Variants in SORCS2 observed in about 807,000 individuals in gnomAD.
SORCS2 encodes the protein sortilin related VPS10 domain containing receptor 2.
Under a neutral mutation model 141.6 loss-of-function variants are expected in SORCS2, and 100 were observed. The observed-to-expected ratio is 0.71, with a 90% confidence interval of 0.60 to 0.83. SORCS2 has a LOEUF of 0.83. SORCS2 is among the 40% of genes least tolerant of loss of function. The probability of loss-of-function intolerance (pLI) is 0.00; values close to 1 mark genes in which losing one functional copy is unlikely to be tolerated. For synonymous variants in SORCS2, 789 were observed against 676.9 expected (o/e 1.17, Z -2.57); for missense variants, 1,646 against 1,560.2 (o/e 1.05, Z -0.93).
At chr4:7,507,557 G>A (rs1246664044) in intron 2 of SORCS2, among the ~76,000 whole-genome samples, 2 of 152,162 alleles carry the variant, frequency 1.3e-5, no homozygotes, top group Non-Finnish European at 2.9e-5. Context: ...CAAAGAAAGA[G>A]AACTTGTCTT....
At chr4:7,247,949 A>G (rs1713223071) in intron 1 of SORCS2, among the ~76,000 whole-genome samples, 1 of 152,040 alleles carries the variant, frequency 6.6e-6, no homozygotes, top group South Asian at 2.1e-4. Flanking sequence ...ATCCCCCCAA[A>G]CTCCTTACTC....
At chr4:7,537,059 T>C (rs1303600828) in intron 3 of SORCS2, among the ~76,000 whole-genome samples, 1 of 152,166 alleles carries the variant, frequency 6.6e-6, no homozygotes, top group Non-Finnish European at 1.5e-5. Flanking sequence ...TGCAGCTAAG[T>C]TCTAGCAAGC....
chr4:7,724,419 GA>G (rs1726901653), intron 19 of SORCS2, among the ~76,000 whole-genome samples: 7 of 143,672 alleles, frequency 4.9e-5, no homozygotes, highest in African/African-American at 1.9e-4. Context: ...GGTGGGAATG[GA>G]TGGTGGTGGT....
At chr4:7,226,838 G>A (rs372714285) in intron 1 of SORCS2, among the ~76,000 whole-genome samples, 5 of 152,210 alleles carry the variant, frequency 3.3e-5, no homozygotes, top group South Asian at 2.1e-4. Flanking sequence ...GCACCAGGGC[G>A]TGGCCTGTTT....
At chr4:7,392,783 C>T (rs1465801316) in intron 1 of SORCS2, among the ~76,000 whole-genome samples, 1 of 152,032 alleles carries the variant, frequency 6.6e-6, no homozygotes, top group African/African-American at 2.4e-5. Flanking sequence ...AAGCCCTGGG[C>T]CTGGGCACAA....
Position 7,654,139 on chromosome 4 carries a change from C to T in SORCS2, c.819C>T (p.Tyr273=), listed in dbSNP as rs948591527. Residue 273 remains tyrosine, a synonymous_variant, in exon 5 of 27, where the codon TAC becomes TAT. Coordinates refer to ENST00000507866, the MANE Select transcript of SORCS2 (RefSeq NM_020777.3). ...TTCTTTTTTCTGCCCTAAAGCTCTA[C>T]GTGTCATCTGACTTGGGGAAAAAGT... The part of the protein sequence containing the change: ...VLAYTKESKL[Y]VSSDLGKKWT... 1.4e-5 allele frequency: 22 copies of T among 1,577,062 alleles called. No individual in the cohort carries two copies. Among genetic ancestry groups the T allele is most frequent in the African/African-American group, 4.0e-5 (3 of 74,658 alleles).
At chr4:7,383,226 C>T (rs1481406989) in intron 1 of SORCS2, among the ~76,000 whole-genome samples, 1 of 152,138 alleles carries the variant, frequency 6.6e-6, no homozygotes, top group Non-Finnish European at 1.5e-5. Context: ...GGCATCAGAA[C>T]CTCCAACCTC....
chr4:7,223,295 G>GCGCACA (rs1491340719), intron 1 of SORCS2, among the ~76,000 whole-genome samples: 8 of 129,746 alleles, frequency 6.2e-5, no homozygotes, highest in African/African-American at 2.2e-4. Flanking sequence ...GTGTATATGC[G>GCGCACA]CACACACACA....
chr4:7,736,465 C>G (rs1255375316), intron 25 of SORCS2, among the ~76,000 whole-genome samples: 2 of 152,196 alleles, frequency 1.3e-5, no homozygotes, highest in African/African-American at 4.8e-5. Flanking sequence ...GTCCCCTCAT[C>G]TGTGAAATGG....
intron 3 of SORCS2, among the ~76,000 whole-genome samples, chr4:7,552,636 AG>A (rs1713799266): frequency 6.6e-6 from 1 of 152,234 alleles, no homozygotes; most frequent in Non-Finnish European, 1.5e-5. Flanking sequence ...CACAGGGATC[AG>A]GAACAGTGCT....
intron 11 of SORCS2, among the ~76,000 whole-genome samples, chr4:7,693,138 G>C (rs1471293354): frequency 6.6e-6 from 1 of 152,206 alleles, no homozygotes; most frequent in African/African-American, 2.4e-5. Flanking sequence ...GAGTGCTCCT[G>C]TGTTGGAGTG....
In SORCS2 at chr4:7,208,676, C is replaced by G. The variant is rs188167813; in HGVS notation, c.480+15550C>G. ...GGCTTGGCTCTGGTTGTGTCTCCCTCAGCCCTCCCTTGCATAGGGTCCCCC... is the reference window on the plus strand; with the variant it reads ...GGCTTGGCTCTGGTTGTGTCTCCCTGAGCCCTCCCTTGCATAGGGTCCCCC... On this transcript the variant is annotated intron_variant, in intron 1 of 26. Coordinates refer to ENST00000507866, the MANE Select transcript of SORCS2 (RefSeq NM_020777.3). Among the ~76,000 whole-genome samples the G allele has an allele frequency of 1.4e-4, 21 of 152,336 alleles. No individual in the cohort carries two copies. In the East Asian group the frequency reaches 4.1e-3, roughly 29 times the overall value.
intron 8 of SORCS2, among the ~76,000 whole-genome samples, chr4:7,675,652 G>A (rs1339944455): frequency 6.6e-6 from 1 of 152,178 alleles, no homozygotes; most frequent in Non-Finnish European, 1.5e-5. Context: ...GTGGATAGGA[G>A]GAGAGGGAGG....
intron 3 of SORCS2, among the ~76,000 whole-genome samples, chr4:7,631,977 T>C (rs73794352): frequency 0.039 from 5,910 of 152,266 alleles, 393 homozygotes; most frequent in African/African-American, 0.13. Flanking sequence ...TTGGCTGCAG[T>C]ATTTGTAGAG....
At chr4:7,294,404 C>G (rs1181747328) in intron 1 of SORCS2, among the ~76,000 whole-genome samples, 1 of 152,012 alleles carries the variant, frequency 6.6e-6, no homozygotes, top group Non-Finnish European at 1.5e-5. Context: ...GGGCAGGAGG[C>G]TGTGTCTCCC....
intron 1 of SORCS2, among the ~76,000 whole-genome samples, chr4:7,236,958 G>A (rs958461968): frequency 6.6e-6 from 1 of 152,214 alleles, no homozygotes; most frequent in Admixed American, 6.5e-5. Context: ...GGCCTTGGGG[G>A]AGTCCCAGGG....
At chr4:7,338,348 T>C (rs1720144680) in intron 1 of SORCS2, among the ~76,000 whole-genome samples, 1 of 144,512 alleles carries the variant, frequency 6.9e-6, no homozygotes, top group East Asian at 2.1e-4. Flanking sequence ...GCTGGATGGA[T>C]GTCAGTTGGA....
At chr4:7,428,146 T>TGCACA (rs907186333) in intron 2 of SORCS2, among the ~76,000 whole-genome samples, 27 of 152,300 alleles carry the variant, frequency 1.8e-4, no homozygotes, top group African/African-American at 6.3e-4. Context: ...AACCTTGTTT[T>TGCACA]GCACAGCGTC....
chr4:7,206,096 C>A (rs1165341905), intron 1 of SORCS2, among the ~76,000 whole-genome samples: 3 of 152,052 alleles, frequency 2.0e-5, no homozygotes, highest in Non-Finnish European at 4.4e-5. Flanking sequence ...AAACACCATG[C>A]GAGGTAGGAC....
Sources: allele counts gnomAD v4.1 joint callset (sites outside exome capture counted in the v4.1 genomes callset), GRCh38; gene constraint gnomAD v4.1.1; transcripts MANE v1.5; gene names NCBI Gene and HGNC (gene_info 2026-07-23, HGNC 2026-07-21).